Variants in TNIK observed in about 807,000 individuals in gnomAD.
TNIK encodes the protein TRAF2 and NCK-interacting protein kinase.
A neutral mutation model predicts 191.3 loss-of-function variants in TNIK; 49 were observed. The ratio of observed to expected loss-of-function variants is 0.26; its 90% CI spans 0.20 to 0.32. The LOEUF (loss-of-function observed/expected upper bound fraction) is 0.32, where lower values mean the gene tolerates loss of function less well. Among genes scored for constraint, TNIK ranks in the 10% least tolerant of loss-of-function variants. The pLI is 1.00. For synonymous variants in TNIK, 594 were observed against 600.9 expected, an observed-to-expected ratio of 0.99 and a Z score of 0.17; for missense variants, 1,155 against 1,702.3, an observed-to-expected ratio of 0.68 and a Z score of 5.66.
In TNIK at chr3:171,128,639, A is replaced by G. The variant is rs183580026; in HGVS notation, c.1773+75T>C. ...ATCCTGTGCCTGAATCCATGTTACA[A>G]TTCCCTAGGCTTTTAATAATAGGTT... On this transcript the variant is annotated intron_variant, in intron 16 of 32. Coordinates refer to ENST00000436636, the MANE Select transcript of TNIK (RefSeq NM_015028.4). 1.2e-4 allele frequency: 175 copies of G among 1,482,046 alleles called. No individual in the cohort carries two copies. In the African/African-American group the frequency reaches 2.1e-3, roughly 18 times the overall value. 91.8% of individuals were successfully genotyped at this position (1,482,046 alleles called of 1,614,324 possible). A position where few individuals can be genotyped will look rare whatever the true frequency, so the allele number is the denominator to read the frequency against.
intron 7 of TNIK, among the ~76,000 whole-genome samples, chr3:171,183,737 A>C (rs1219880639): frequency 6.6e-6 from 1 of 152,086 alleles, no homozygotes; most frequent in Admixed American, 6.5e-5. Flanking sequence ...CCTGGCCAAC[A>C]CAGTGAAACC....
chr3:171,083,323 A>T (rs1720923392), intron 26 of TNIK, among the ~76,000 whole-genome samples: 1 of 152,140 alleles, frequency 6.6e-6, no homozygotes, highest in African/African-American at 2.4e-5. Context: ...TCTCTTCTCC[A>T]GAGGACAGAG....
intron 2 of TNIK, among the ~76,000 whole-genome samples, chr3:171,297,027 T>C (rs1179994396): frequency 3.9e-5 from 6 of 152,192 alleles, no homozygotes; most frequent in Non-Finnish European, 8.8e-5. Context: ...AATTCCCTGA[T>C]GTGCAGTTTA....
chr3:171,142,975 T>C (rs998607112), intron 12 of TNIK, among the ~76,000 whole-genome samples: 15 of 152,236 alleles, frequency 9.9e-5, no homozygotes, highest in Non-Finnish European at 1.2e-4. Flanking sequence ...CAGGAATCAA[T>C]ACTGTTTTAT....
At chr3:171,197,404 T>A (rs1738842761) in intron 4 of TNIK, among the ~76,000 whole-genome samples, 1 of 151,724 alleles carries the variant, frequency 6.6e-6, no homozygotes, top group African/African-American at 2.4e-5. Context: ...AAAGAAAAAA[T>A]TAATTTTATC....
chr3:171,309,988 C>A (rs1292036549), intron 2 of TNIK, among the ~76,000 whole-genome samples: 1 of 152,098 alleles, frequency 6.6e-6, no homozygotes, highest in African/African-American at 2.4e-5. Flanking sequence ...TTCTGAAATC[C>A]CATCATCACA....
chr3:171,397,235 A>G (rs1720369342), intron 1 of TNIK, among the ~76,000 whole-genome samples: 2 of 152,156 alleles, frequency 1.3e-5, no homozygotes, highest in South Asian at 4.2e-4. Context: ...TTCCTACTCA[A>G]CACTTGTCTT....
At chr3:171,375,482 C>T (rs1358395141) in intron 1 of TNIK, among the ~76,000 whole-genome samples, 2 of 152,088 alleles carry the variant, frequency 1.3e-5, no homozygotes, top group Non-Finnish European at 2.9e-5. Context: ...ATTGAGAAGG[C>T]GCATTAAGTT....
intron 2 of TNIK, among the ~76,000 whole-genome samples, chr3:171,292,865 T>TTA (rs1463961476): frequency 6.6e-6 from 1 of 151,672 alleles, no homozygotes; most frequent in East Asian, 1.9e-4. Flanking sequence ...CTCTCTCCTT[T>TTA]CTGGTTTTCC....
At chr3:171,320,504 A>T (rs1238215662) in intron 2 of TNIK, among the ~76,000 whole-genome samples, 1 of 152,212 alleles carries the variant, frequency 6.6e-6, no homozygotes, top group African/African-American at 2.4e-5. Context: ...AAAGGGAAAA[A>T]GTACTTCTGA....
chr3:171,272,975 C>G (rs1009861416), intron 2 of TNIK, among the ~76,000 whole-genome samples: 1 of 152,200 alleles, frequency 6.6e-6, no homozygotes, highest in African/African-American at 2.4e-5. Context: ...TTGGCTTTGT[C>G]TGGGAACACC....
chr3:171,283,162 A>T (rs1232247673), intron 2 of TNIK, among the ~76,000 whole-genome samples: 1 of 118,878 alleles, frequency 8.4e-6, no homozygotes, highest in Admixed American at 8.9e-5. Context: ...ACCTACTTTA[A>T]AAAAAAAAAA....
At chr3:171,222,402 A>G (rs906233853) in intron 3 of TNIK, among the ~76,000 whole-genome samples, 2 of 152,110 alleles carry the variant, frequency 1.3e-5, no homozygotes, top group African/African-American at 4.8e-5. Context: ...AGTACTAAGT[A>G]CTCATTTAAG....
chr3:171,242,160 A>T (rs925217423), intron 2 of TNIK, among the ~76,000 whole-genome samples: 22 of 47,288 alleles, frequency 4.7e-4, no homozygotes, highest in African/African-American at 1.2e-3. Flanking sequence ...AACTTAAATT[A>T]AAAAAAAAAA....
chr3:171,333,584 G>GAAAAAA lies in TNIK; in HGVS notation c.123+36030_123+36035dup, dbSNP rs562856294. On this transcript the variant is annotated intron_variant, in intron 2 of 32. Transcript: ENST00000436636. ...GAGACTCAGATGTCTCAAAAAGAAA[G>GAAAAAA]AAAAAAAAAAAAAAAAAAAACCTAC... 5.0e-3 allele frequency among the ~76,000 whole-genome samples: 574 copies of GAAAAAA among 114,226 alleles called. 11 individuals are homozygous for GAAAAAA. The highest frequency in any genetic ancestry group is 0.042 in the South Asian group (135 of 3,244). 74.9% of individuals were successfully genotyped at this position (114,226 alleles called of 152,430 possible). A position where few individuals can be genotyped will look rare whatever the true frequency, so the allele number is the denominator to read the frequency against.
intron 14 of TNIK, among the ~76,000 whole-genome samples, chr3:171,139,090 T>C (rs910714409): frequency 1.3e-5 from 2 of 152,126 alleles, no homozygotes; most frequent in Non-Finnish European, 1.5e-5. Flanking sequence ...GAGAGGTGCA[T>C]TTTGCTGTGA....
At position 171,298,486 on chromosome 3, in the gene TNIK, G is replaced by C. The variant is rs146849821; in HGVS notation, c.124-70265C>G. On this transcript the variant is annotated intron_variant, in intron 2 of 32. Coordinates refer to ENST00000436636, the MANE Select transcript of TNIK (RefSeq NM_015028.4). ...CCCTTGCAGTTATGTCAGATCACGT[G>C]ATATAGTTCTGACCAGTAACTTGTG... Among the ~76,000 whole-genome samples, 354 of 152,336 alleles carry C rather than the reference G, an allele frequency of 2.3e-3. 2 individuals are homozygous for C. The highest frequency in any genetic ancestry group is 7.9e-3 in the African/African-American group (328 of 41,572).
At chr3:171,253,589 T>C (rs1244831738) in intron 2 of TNIK, among the ~76,000 whole-genome samples, 55 of 121,592 alleles carry the variant, frequency 4.5e-4, no homozygotes, top group Admixed American at 6.2e-4. Context: ...AGAAGACAGG[T>C]CCCCCCCCCA....
At chr3:171,421,172 T>C (rs556903481) in intron 1 of TNIK, among the ~76,000 whole-genome samples, 3 of 152,312 alleles carry the variant, frequency 2.0e-5, no homozygotes, top group South Asian at 4.1e-4. Flanking sequence ...TAGTTCTACA[T>C]AAACTAAGTG....
Sources: gnomAD v4.1 joint callset for allele counts (sites outside exome capture counted in the v4.1 genomes callset) on GRCh38, gnomAD v4.1.1 for gene constraint, MANE v1.5 for transcripts, NCBI Gene and HGNC (gene_info 2026-07-23, HGNC 2026-07-21) for gene names.